The following SETD9 variants were observed in gnomAD, a reference collection of about 807,000 sequenced individuals.
The protein encoded by SETD9 is SET domain-containing protein 9.
SETD9 carries 37 observed loss-of-function variants against 36.4 expected under a neutral mutation model. The observed-to-expected ratio is 1.02, with a 90% CI of 0.78 to 1.34. The LOEUF is 1.34. Ranked by LOEUF, SETD9 falls within the 40% of genes most tolerant of loss-of-function variation. The probability of loss-of-function intolerance (pLI) is 0.00; values close to 1 mark genes in which losing one functional copy is unlikely to be tolerated. For synonymous variants in SETD9, 128 were observed against 132.9 expected (o/e 0.96, Z 0.26); for missense variants, 323 against 353.2 (o/e 0.91, Z 0.69).
At chr5:56,919,312 G>GTTTAGTAGAGTTTAGTAGAGTTTAGT (rs1749555345), downstream of SETD9, among the ~76,000 whole-genome samples, 1 of 152,008 alleles carries the variant, frequency 6.6e-6, no homozygotes, top group South Asian at 2.1e-4. Context: ...TTTTAGTAGA[G>GTTTAGTAGAGTTTAGTAGAGTTTAGT]ACGGGGTTTC....
intron 5 of SETD9, chr5:56,923,833 C>T (rs369881757): frequency 6.2e-7 from 1 of 1,614,042 alleles, no homozygotes; most frequent in Non-Finnish European, 8.5e-7. Context: ...CCATATAGTC[C>T]CTGAAAAACA....
downstream of SETD9, chr5:56,919,694 T>G (rs1303202872): frequency 6.6e-6 from 1 of 152,656 alleles, no homozygotes; most frequent in Non-Finnish European, 1.5e-5. Flanking sequence ...AGTGTTTATG[T>G]ACAAATATTA....
Position 56,911,209 on chromosome 5 carries a change from A to T in SETD9, c.139A>T (p.Ile47Phe), listed in dbSNP as rs775754411. The T allele has an allele frequency of 6.3e-6, 10 of 1,575,640 alleles. No individual in the cohort carries two copies. The South Asian group carries it at 1.2e-4, about 19-fold the overall frequency. ...YVPEESKDKV[I>F]SDEDVLGTLL... ...TCCAGAGGAATCCAAAGACAAAGTT[A>T]TCTCAGATGAAGATGTCCTAGGAAC... is the stretch of plus-strand genomic sequence containing the variant. The change falls in exon 2 of 6, where the codon ATC (isoleucine) becomes TTC (phenylalanine). Residue 47 changes from isoleucine to phenylalanine, a missense_variant. Coordinates refer to ENST00000285947, the MANE Select transcript of SETD9 (RefSeq NM_153706.4).
chr5:56,923,506 G>A (rs1466992155), intron 5 of SETD9: 3 of 1,614,050 alleles, frequency 1.9e-6, no homozygotes, highest in Admixed American at 3.3e-5. Context: ...CACGGGGTGT[G>A]TTGCCCAGTG....
At chr5:56,921,491 A>T (rs1749671253), downstream of SETD9, 5 of 152,750 alleles carry the variant, frequency 3.3e-5, no homozygotes, top group South Asian at 1.0e-3. Flanking sequence ...TGCTAAACTA[A>T]ATTTTATACT....
intron 3 of SETD9, 85 bp from the exon 4 acceptor site, chr5:56,913,789 T>A: frequency 2.9e-6 from 2 of 679,452 alleles, no homozygotes; most frequent in South Asian, 4.9e-5. Context: ...TAAGAAAAAA[T>A]GCACTGGTGT....
At chr5:56,914,139 TAGAG>T (rs892314787) in intron 4 of SETD9, 150 bp downstream of exon 4, 6 of 506,094 alleles carry the variant, frequency 1.2e-5, no homozygotes, top group Non-Finnish European at 2.1e-5. Flanking sequence ...GGGATGATAT[TAGAG>T]AGAATTAGGG....
At chr5:56,911,086 A>G in intron 1 of SETD9, 83 bp from the exon 2 acceptor site, 1 of 1,446,044 alleles carries the variant, frequency 6.9e-7, no homozygotes, top group South Asian at 1.5e-5. Flanking sequence ...TAGTTCCTTA[A>G]GGCCAGGAAC....
intron 5 of SETD9, chr5:56,923,664 C>T (rs572051554): frequency 6.2e-7 from 1 of 1,614,102 alleles, no homozygotes; most frequent in South Asian, 1.1e-5. Flanking sequence ...ACAAACTGTA[C>T]TAAATGCAGA....
chr5:56,917,852 G>C (rs1246452666), downstream of SETD9, among the ~76,000 whole-genome samples: 1 of 152,168 alleles, frequency 6.6e-6, no homozygotes, highest in Non-Finnish European at 1.5e-5. Context: ...CCTGACTCCA[G>C]CTCTCTCAGT....
At chr5:56,914,997 T>C in intron 5 of SETD9, 31 bp downstream of exon 5, 1 of 1,503,548 alleles carries the variant, frequency 6.7e-7, no homozygotes, top group Non-Finnish European at 9.1e-7. Flanking sequence ...TTTCATATCT[T>C]CTGCTTATGC....
At chr5:56,909,438 C>G (rs1579802456), upstream of SETD9, 2 of 471,452 alleles carry the variant, frequency 4.2e-6, no homozygotes, top group Non-Finnish European at 7.4e-6. Flanking sequence ...CCTTCCAGCT[C>G]TACGCGCCTC....
chr5:56,924,191 G>GA, intron 5 of SETD9: 1 of 764,696 alleles, frequency 1.3e-6, no homozygotes, highest in Non-Finnish European at 2.0e-6. Context: ...ATAAAGTTCT[G>GA]AACACTTTGA....
In SETD9 at chr5:56,911,488, G is replaced by C; in HGVS notation, c.418G>C (p.Val140Leu). 1 of 1,600,800 alleles carries C rather than the reference G, an allele frequency of 6.2e-7. No individual in the cohort carries two copies. Among genetic ancestry groups the C allele is most frequent in the Non-Finnish European group, 8.5e-7 (1 of 1,175,172 alleles). ...SLISAGKGVFVTKGLVPKGAV... is the reference protein window; with the variant it reads ...SLISAGKGVFLTKGLVPKGAV... ...GATTTCTGCTGGAAAAGGTGTCTTC[G>C]TTACTAAAGGATTGGTACCAAAAGG... The change falls in exon 2 of 6, where the codon GTT becomes CTT. Residue 140 changes from valine (V) to leucine (L), a missense_variant. Val to Leu is a conservative substitution (Grantham distance 32). Coordinates refer to ENST00000285947, the MANE Select transcript of SETD9 (RefSeq NM_153706.4).
intron 5 of SETD9, 48 bp downstream of exon 5, chr5:56,915,014 T>C: frequency 7.6e-7 from 1 of 1,320,024 alleles, no homozygotes; most frequent in Non-Finnish European, 1.0e-6. Flanking sequence ...ATGCTGTACT[T>C]AAAAAAATAT....
chr5:56,918,657 G>A (rs757213092), downstream of SETD9, among the ~76,000 whole-genome samples: 4 of 152,212 alleles, frequency 2.6e-5, no homozygotes, highest in Non-Finnish European at 5.9e-5. Flanking sequence ...GTCCACCACA[G>A]AGCCCTATGT....
At chr5:56,923,923 A>C (rs766862363) in intron 5 of SETD9, 3 of 1,614,130 alleles carry the variant, frequency 1.9e-6, no homozygotes, top group Non-Finnish European at 8.5e-7. Context: ...ACGTAACTCC[A>C]GGGTGATGGT....
downstream of SETD9, among the ~76,000 whole-genome samples, chr5:56,917,546 A>G (rs1206207222): frequency 2.6e-5 from 4 of 152,196 alleles, no homozygotes; most frequent in Non-Finnish European, 4.4e-5. Context: ...CCACTGGTTA[A>G]TGTTCCTAGC....
At chr5:56,918,757 T>C (rs555561462), downstream of SETD9, among the ~76,000 whole-genome samples, 15 of 152,332 alleles carry the variant, frequency 9.8e-5, no homozygotes, top group Middle Eastern at 3.4e-3. Context: ...TTTCCTTTTA[T>C]CCCCTTCTTG....
Sources: allele counts gnomAD v4.1 joint callset (sites outside exome capture counted in the v4.1 genomes callset), GRCh38; gene constraint gnomAD v4.1.1; transcripts MANE v1.5; gene names NCBI Gene and HGNC (gene_info 2026-07-23, HGNC 2026-07-21).